Variants in CAMK1D observed in about 807,000 individuals in gnomAD.
The protein encoded by CAMK1D is calcium/calmodulin dependent protein kinase ID.
CAMK1D carries 9 observed loss-of-function variants against 47.7 expected under a neutral mutation model. The ratio of observed to expected loss-of-function variants is 0.19; its 90% CI spans 0.11 to 0.33. The LOEUF is 0.33. Ranked by LOEUF, CAMK1D falls within the 10% of genes least tolerant of loss-of-function variation. The pLI is 1.00. For synonymous variants in CAMK1D, 184 were observed against 184.9 expected (o/e 0.99, Z 0.04); for missense variants, 291 against 488.7 (o/e 0.60, Z 3.81).
intron 5 of CAMK1D, among the ~76,000 whole-genome samples, chr10:12,784,702 C>T (rs570716871): frequency 2.6e-5 from 4 of 152,332 alleles, no homozygotes; most frequent in African/African-American, 9.6e-5. Context: ...TTCATTTGTT[C>T]CCTGCCTCTG....
chr10:12,543,116 T>C (rs999126557), intron 1 of CAMK1D, among the ~76,000 whole-genome samples: 8 of 152,148 alleles, frequency 5.3e-5, no homozygotes, highest in Non-Finnish European at 1.2e-4. Flanking sequence ...GGCACGATCT[T>C]GGCTCACTGC....
chr10:12,568,078 G>A (rs1445254545), intron 2 of CAMK1D, among the ~76,000 whole-genome samples: 3 of 49,734 alleles, frequency 6.0e-5, no homozygotes, highest in Admixed American at 2.0e-4. Context: ...AGGCCTGCCC[G>A]CCCTCCCACC....
At chr10:12,756,598 G>A (rs4078402) in intron 3 of CAMK1D, among the ~76,000 whole-genome samples, 102,246 of 152,142 alleles carry the variant, frequency 0.67, 34,736 homozygotes, top group African/African-American at 0.77. Context: ...ACAATACAAT[G>A]GCATTATACT....
At chr10:12,393,495 C>A (rs1838822196) in intron 1 of CAMK1D, among the ~76,000 whole-genome samples, 1 of 152,222 alleles carries the variant, frequency 6.6e-6, no homozygotes, top group African/African-American at 2.4e-5. Context: ...TGTGTTACCA[C>A]CATCTGTCCT....
chr10:12,623,623 C>T (rs555298926), intron 2 of CAMK1D, among the ~76,000 whole-genome samples: 186 of 151,408 alleles, frequency 1.2e-3, no homozygotes, highest in African/African-American at 4.2e-3. Context: ...TTAGGGAAAC[C>T]GCATCATGAA....
chr10:12,685,442 T>C (rs557859991), intron 3 of CAMK1D, among the ~76,000 whole-genome samples: 1 of 152,348 alleles, frequency 6.6e-6, no homozygotes, highest in South Asian at 2.1e-4. Context: ...AAGGACTCAG[T>C]ACTGATGACT....
chr10:12,598,251 A>G (rs1838201120), intron 2 of CAMK1D, among the ~76,000 whole-genome samples: 1 of 152,232 alleles, frequency 6.6e-6, no homozygotes, highest in African/African-American at 2.4e-5. Context: ...ATTCATGTGC[A>G]TCCGTGGTAG....
chr10:12,677,260 A>G (rs530278982), intron 3 of CAMK1D, among the ~76,000 whole-genome samples: 83 of 152,336 alleles, frequency 5.4e-4, no homozygotes, highest in African/African-American at 1.9e-3. Flanking sequence ...ATGACTCCCA[A>G]TAGAAAGCCT....
chr10:12,804,674 C>G (rs1838638318), intron 6 of CAMK1D, among the ~76,000 whole-genome samples: 1 of 151,376 alleles, frequency 6.6e-6, no homozygotes, highest in Non-Finnish European at 1.5e-5. Context: ...TGGCTCATGC[C>G]TGCAATCCCA....
intron 1 of CAMK1D, among the ~76,000 whole-genome samples, chr10:12,359,768 C>T (rs549237389): frequency 8.5e-5 from 13 of 152,292 alleles, no homozygotes; most frequent in Middle Eastern, 3.4e-3. Flanking sequence ...AGTGTCTAAC[C>T]ATCATGAAGT....
At chr10:12,817,143 C>A (rs1302221852) in intron 8 of CAMK1D, among the ~76,000 whole-genome samples, 1 of 152,186 alleles carries the variant, frequency 6.6e-6, no homozygotes, top group Non-Finnish European at 1.5e-5. Context: ...CTCTGTGATT[C>A]AATTACCTCC....
chr10:12,686,122 T>A (rs1399743812), intron 3 of CAMK1D, among the ~76,000 whole-genome samples: 2 of 152,188 alleles, frequency 1.3e-5, no homozygotes, highest in Non-Finnish European at 2.9e-5. Context: ...TTTCTAAGGC[T>A]CTTTGCTGCT....
At chr10:12,704,495 C>G (rs960127194) in intron 3 of CAMK1D, among the ~76,000 whole-genome samples, 8 of 151,706 alleles carry the variant, frequency 5.3e-5, no homozygotes, top group Non-Finnish European at 8.8e-5. Context: ...TTTTCCATCT[C>G]TAAGGTGATA....
intron 1 of CAMK1D, among the ~76,000 whole-genome samples, chr10:12,522,566 G>C (rs1050252376): frequency 6.6e-6 from 1 of 152,038 alleles, no homozygotes; most frequent in Non-Finnish European, 1.5e-5. Context: ...TCTTAGTACA[G>C]AACAAAATGA....
At chr10:12,487,854 T>C (rs1834261671) in intron 1 of CAMK1D, among the ~76,000 whole-genome samples, 2 of 152,272 alleles carry the variant, frequency 1.3e-5, no homozygotes, top group Admixed American at 1.3e-4. Flanking sequence ...GGACAACAAA[T>C]TACCTATAGC....
chr10:12,737,688 T>C (rs116561107), intron 3 of CAMK1D, among the ~76,000 whole-genome samples: 2,772 of 152,296 alleles, frequency 0.018, 53 homozygotes, highest in South Asian at 0.059. Context: ...ATTTGTATCG[T>C]TGAAAATTAT....
intron 2 of CAMK1D, among the ~76,000 whole-genome samples, chr10:12,593,319 C>T (rs1838050649): frequency 6.6e-6 from 1 of 152,156 alleles, no homozygotes; most frequent in Non-Finnish European, 1.5e-5. Flanking sequence ...GCTGTCTGCG[C>T]TGACTCATGC....
intron 1 of CAMK1D, among the ~76,000 whole-genome samples, chr10:12,445,721 G>A (rs1213303802): frequency 6.6e-6 from 1 of 152,126 alleles, no homozygotes; most frequent in Non-Finnish European, 1.5e-5. Flanking sequence ...CATAAACCAT[G>A]TCCTGACAAC....
chr10:12,375,850 G>A (rs945778490), intron 1 of CAMK1D, among the ~76,000 whole-genome samples: 5 of 151,970 alleles, frequency 3.3e-5, no homozygotes, highest in African/African-American at 7.3e-5. Context: ...CTTTTGGTCC[G>A]TATGCCGATT....
Sources: allele counts gnomAD v4.1 joint callset (sites outside exome capture counted in the v4.1 genomes callset), GRCh38; gene constraint gnomAD v4.1.1; transcripts MANE v1.5; gene names NCBI Gene and HGNC (gene_info 2026-07-23, HGNC 2026-07-21).